MALRD1: variants seen among roughly 807,000 people sequenced by gnomAD.
MALRD1 encodes the protein MAM and LDL receptor class A domain containing 1, also known as MAM and LDL-receptor class A domain-containing protein 1.
Under a neutral mutation model 242.1 loss-of-function variants are expected in MALRD1, and 247 were observed. That is an observed-to-expected ratio of 1.02 (90% confidence interval 0.92 to 1.13). The LOEUF (loss-of-function observed/expected upper bound fraction) is 1.13, where lower values mean the gene tolerates loss of function less well. Ranked by LOEUF, MALRD1 falls within the 50% of genes most tolerant of loss-of-function variation. The probability of loss-of-function intolerance (pLI) is 0.00; values close to 1 mark genes in which losing one functional copy is unlikely to be tolerated. For synonymous variants in MALRD1, 995 were observed against 866.6 expected (o/e 1.15, Z -2.60); for missense variants, 2,989 against 2,533.1 (o/e 1.18, Z -3.86).
chr10:19,102,382 G>C (rs1303781851), intron 4 of MALRD1, among the ~76,000 whole-genome samples: 1 of 151,718 alleles, frequency 6.6e-6, no homozygotes, highest in Non-Finnish European at 1.5e-5. Flanking sequence ...ACTTTCTTAG[G>C]ACTACCTATT....
At chr10:19,626,425 A>G (rs186315925) in intron 36 of MALRD1, among the ~76,000 whole-genome samples, 2 of 152,114 alleles carry the variant, frequency 1.3e-5, no homozygotes, top group African/African-American at 4.8e-5. Context: ...AGAAGAAACA[A>G]ATATTTTTGC....
intron 29 of MALRD1, among the ~76,000 whole-genome samples, chr10:19,475,141 C>T (rs1031614533): frequency 3.9e-5 from 6 of 152,180 alleles, no homozygotes; most frequent in Admixed American, 2.0e-4. Context: ...TCTGGCCGGG[C>T]GCAGTGGCTC....
intron 9 of MALRD1, among the ~76,000 whole-genome samples, chr10:19,134,536 T>G (rs1004479291): frequency 2.7e-5 from 4 of 147,934 alleles, no homozygotes; most frequent in Non-Finnish European, 6.1e-5. Context: ...ATATGGAATG[T>G]GTAAGTTTAT....
chr10:19,159,728 T>C (rs1834316302), intron 12 of MALRD1, among the ~76,000 whole-genome samples: 1 of 152,140 alleles, frequency 6.6e-6, no homozygotes, highest in South Asian at 2.1e-4. Context: ...GACTGAAGTA[T>C]CAGAGAGCCC....
chr10:19,540,687 G>A (rs957256652), intron 32 of MALRD1, among the ~76,000 whole-genome samples: 3 of 152,114 alleles, frequency 2.0e-5, no homozygotes, highest in Non-Finnish European at 2.9e-5. Flanking sequence ...GTTATCACTT[G>A]TGTTGCAGAA....
Position 19,447,968 on chromosome 10 carries a change from C to G in MALRD1, c.4846-2339C>G, listed in dbSNP as rs181529639. On this transcript the variant is annotated intron_variant, in intron 28 of 39. Transcript: ENST00000454679. ...TTGTTTTGTCAAGGATGTTAATGAT[C>G]TATCTATAAACTGTTAGTTGTTTTG... Among the ~76,000 whole-genome samples, 30 of 152,154 alleles carry G rather than the reference C, an allele frequency of 2.0e-4. No homozygotes were observed. In the East Asian group the frequency reaches 5.6e-3, roughly 28 times the overall value.
intron 36 of MALRD1, among the ~76,000 whole-genome samples, chr10:19,687,520 C>A (rs1842626572): frequency 6.6e-6 from 1 of 152,212 alleles, no homozygotes; most frequent in African/African-American, 2.4e-5. Context: ...CCTAAACCCA[C>A]TGAATTACCT....
chr10:19,164,750 A>G (rs1834596377), intron 12 of MALRD1, among the ~76,000 whole-genome samples: 1 of 152,192 alleles, frequency 6.6e-6, no homozygotes, highest in Non-Finnish European at 1.5e-5. Flanking sequence ...ACGCAATTTC[A>G]TGTTAGGGCT....
At chr10:19,082,842 G>A (rs1564379599) in intron 2 of MALRD1, among the ~76,000 whole-genome samples, 1 of 151,814 alleles carries the variant, frequency 6.6e-6, no homozygotes, top group East Asian at 1.9e-4. Flanking sequence ...AGTCAATTTT[G>A]GCTGCTAGAA....
At chr10:19,184,492 A>G (rs1247615781) in intron 14 of MALRD1, among the ~76,000 whole-genome samples, 2 of 152,268 alleles carry the variant, frequency 1.3e-5, no homozygotes, top group East Asian at 3.9e-4. Flanking sequence ...TTGTTTCTTT[A>G]GGATAGATCA....
chr10:19,508,129 A>T (rs1371324270), intron 31 of MALRD1, among the ~76,000 whole-genome samples: 1 of 152,146 alleles, frequency 6.6e-6, no homozygotes, highest in African/African-American at 2.4e-5. Flanking sequence ...GGGGAAGAAG[A>T]GTGAGTTAAA....
At chr10:19,720,829 G>A (rs1467379605) in intron 38 of MALRD1, among the ~76,000 whole-genome samples, 2 of 151,892 alleles carry the variant, frequency 1.3e-5, no homozygotes, top group Non-Finnish European at 2.9e-5. Context: ...AAAAATGGAC[G>A]GTAAATGATC....
At chr10:19,225,398 A>T (rs1287835938) in intron 18 of MALRD1, among the ~76,000 whole-genome samples, 1 of 152,098 alleles carries the variant, frequency 6.6e-6, no homozygotes, top group East Asian at 1.9e-4. Flanking sequence ...GATGTTTGTT[A>T]TTGTGTATGA....
chr10:19,108,028 ATAT>A (rs1449241607), intron 5 of MALRD1, among the ~76,000 whole-genome samples: 1 of 152,066 alleles, frequency 6.6e-6, no homozygotes, highest in Non-Finnish European at 1.5e-5. Context: ...ATGGATGTTC[ATAT>A]TTGTCCCAAG....
At chr10:19,302,798 AAGG>A (rs372356582) in intron 21 of MALRD1, among the ~76,000 whole-genome samples, 109 of 151,894 alleles carry the variant, frequency 7.2e-4, no homozygotes, top group African/African-American at 2.5e-3. Context: ...GAAAAATAAA[AAGG>A]AGGTAAATAT....
At chr10:19,718,639 A>G (rs912662477) in intron 38 of MALRD1, among the ~76,000 whole-genome samples, 6 of 152,160 alleles carry the variant, frequency 3.9e-5, no homozygotes, top group Non-Finnish European at 8.8e-5. Context: ...TCCAAACCAT[A>G]TCACAGCCCT....
At chr10:19,073,378 A>G (rs992285252) in intron 2 of MALRD1, among the ~76,000 whole-genome samples, 4 of 152,156 alleles carry the variant, frequency 2.6e-5, no homozygotes, top group African/African-American at 9.6e-5. Flanking sequence ...GTAAGACATC[A>G]TGATAATGTT....
At chr10:19,512,960 G>A (rs185654326) in intron 31 of MALRD1, among the ~76,000 whole-genome samples, 72 of 152,186 alleles carry the variant, frequency 4.7e-4, no homozygotes, top group African/African-American at 1.3e-3. Flanking sequence ...AATTAACATC[G>A]AATTTACTTA....
rs1838558917 is a variant in MALRD1 at position 19,238,493 on chromosome 10, T to TGTATA, written c.2992-19191_2992-19190insGTATA. Among the ~76,000 whole-genome samples, 12 of 8,586 alleles carry TGTATA rather than the reference T, an allele frequency of 1.4e-3. 1 individual carries two copies. The highest frequency in any genetic ancestry group is 5.4e-3 in the East Asian group (1 of 184). The allele number at this position is 8,586 out of a possible 152,430, so 5.6% of individuals were successfully genotyped here. On this transcript the variant is annotated intron_variant, in intron 18 of 39. Transcript: ENST00000454679. ...AATATATAATATACATTATATATAA[T>TGTATA]ATATAATATAATATATAATGTATAT...
Sources: gnomAD v4.1 joint callset for allele counts (sites outside exome capture counted in the v4.1 genomes callset) on GRCh38, gnomAD v4.1.1 for gene constraint, MANE v1.5 for transcripts, NCBI Gene and HGNC (gene_info 2026-07-23, HGNC 2026-07-21) for gene names.